Variants in PAX5 observed in about 807,000 individuals in gnomAD.
PAX5 encodes paired box protein Pax-5.
A neutral mutation model predicts 43.7 loss-of-function variants in PAX5; 9 were observed. The observed-to-expected ratio is 0.21, with a 90% confidence interval of 0.12 to 0.36. PAX5 has a LOEUF of 0.36. PAX5 is among the 10% of genes least tolerant of loss of function. The probability of loss-of-function intolerance (pLI) is 1.00; values close to 1 mark genes in which losing one functional copy is unlikely to be tolerated. For synonymous variants in PAX5, 228 were observed against 214.3 expected (o/e 1.06, Z -0.56); for missense variants, 383 against 532.7 (o/e 0.72, Z 2.77).
chr9:36,985,611 T>A (rs529827272), intron 5 of PAX5, among the ~76,000 whole-genome samples: 16 of 152,180 alleles, frequency 1.1e-4, no homozygotes, highest in African/African-American at 3.9e-4. Flanking sequence ...GAGCCAGCCA[T>A]CTCCATGAGG....
At chr9:36,895,740 T>C (rs1827805909) in intron 7 of PAX5, among the ~76,000 whole-genome samples, 1 of 152,118 alleles carries the variant, frequency 6.6e-6, no homozygotes, top group Non-Finnish European at 1.5e-5. Flanking sequence ...TGGCAGAAAA[T>C]GTGACAGGTT....
intron 5 of PAX5, among the ~76,000 whole-genome samples, chr9:36,997,789 C>G (rs530606444): frequency 6.6e-6 from 1 of 152,328 alleles, no homozygotes; most frequent in Admixed American, 6.5e-5. Context: ...GGGGCTGTGC[C>G]GAGAGGCTGC....
At chr9:36,950,805 A>G (rs1832939786) in intron 6 of PAX5, among the ~76,000 whole-genome samples, 1 of 144,954 alleles carries the variant, frequency 6.9e-6, no homozygotes, top group Admixed American at 7.3e-5. Flanking sequence ...CAATGCTGCA[A>G]TCTTGGCTCA....
At chr9:36,953,436 C>T (rs1833176083) in intron 6 of PAX5, among the ~76,000 whole-genome samples, 1 of 152,148 alleles carries the variant, frequency 6.6e-6, no homozygotes, top group Non-Finnish European at 1.5e-5. Context: ...CTCTCTTCTC[C>T]TTCCGGCAAC....
chr9:36,937,021 T>G (rs776614567), intron 6 of PAX5, among the ~76,000 whole-genome samples: 1 of 152,100 alleles, frequency 6.6e-6, no homozygotes, highest in East Asian at 1.9e-4. Context: ...AAACAAAAAC[T>G]GTGCAAGGCA....
chr9:37,006,671 G>A, intron 3 of PAX5, 134 bp from the exon 4 acceptor site: 1 of 713,920 alleles, frequency 1.4e-6, no homozygotes, highest in South Asian at 1.7e-5. Context: ...AGGGGCAGAG[G>A]TGGAGGGAGA....
intron 6 of PAX5, among the ~76,000 whole-genome samples, chr9:36,955,850 A>G (rs1489770348): frequency 6.6e-6 from 1 of 151,548 alleles, no homozygotes; most frequent in African/African-American, 2.4e-5. Flanking sequence ...TATTTGATCC[A>G]ATTGTTTGCA....
At chr9:37,002,618 C>A in intron 5 of PAX5, 30 bp downstream of exon 5, 1 of 1,595,954 alleles carries the variant, frequency 6.3e-7, no homozygotes, top group Non-Finnish European at 8.6e-7. Context: ...TGGAGCGCAT[C>A]CCCGACGGGG....
intron 5 of PAX5, among the ~76,000 whole-genome samples, chr9:36,991,823 C>G (rs2132331321): frequency 6.9e-6 from 1 of 145,024 alleles, no homozygotes; most frequent in South Asian, 2.3e-4. Flanking sequence ...TGTTCAGTCC[C>G]TCAAGAGGCT....
At chr9:36,861,334 T>C (rs4878662) in intron 8 of PAX5, 129,425 of 150,778 alleles carry the variant, frequency 0.86, 55,572 homozygotes, top group Middle Eastern at 0.89. Flanking sequence ...AGGTACCAGG[T>C]CCTGAGGATA....
At chr9:37,022,210 G>T (rs1420524483) in intron 1 of PAX5, among the ~76,000 whole-genome samples, 1 of 152,210 alleles carries the variant, frequency 6.6e-6, no homozygotes, top group Non-Finnish European at 1.5e-5. Context: ...GTACTTAGTT[G>T]CAGTTCTAAG....
chr9:37,033,588 G>A (rs900089021), intron 1 of PAX5, among the ~76,000 whole-genome samples: 7 of 109,154 alleles, frequency 6.4e-5, no homozygotes, highest in African/African-American at 1.7e-4. Flanking sequence ...AATACCCCAC[G>A]AGTATAAAGA....
At chr9:36,971,436 A>G in intron 5 of PAX5, among the ~76,000 whole-genome samples, 1 of 152,190 alleles carries the variant, frequency 6.6e-6, no homozygotes, top group East Asian at 1.9e-4. Flanking sequence ...AGCATTTCTC[A>G]TCTGCACCAT....
chr9:36,843,236 G>A (rs1038598024), intron 9 of PAX5, among the ~76,000 whole-genome samples: 6 of 152,130 alleles, frequency 3.9e-5, no homozygotes, highest in East Asian at 1.9e-4. Flanking sequence ...ATGCCCTGGC[G>A]CCCTCCCCAG....
chr9:36,976,495 T>C (rs1002767072), intron 5 of PAX5, among the ~76,000 whole-genome samples: 4 of 152,158 alleles, frequency 2.6e-5, no homozygotes, highest in Non-Finnish European at 2.9e-5. Flanking sequence ...ACATCTACTA[T>C]GAGCCAGGCC....
At chr9:36,939,080 G>A (rs34903350) in intron 6 of PAX5, among the ~76,000 whole-genome samples, 35,034 of 152,096 alleles carry the variant, frequency 0.23, 4,867 homozygotes, top group Non-Finnish European at 0.33. Context: ...GACAAGCAGC[G>A]GCCCCTTCCT....
intron 1 of PAX5, among the ~76,000 whole-genome samples, chr9:37,025,352 GCCGGGTCT>G (rs1840236323): frequency 6.6e-6 from 1 of 152,112 alleles, no homozygotes; most frequent in Admixed American, 6.5e-5. Flanking sequence ...CTTCACTCCA[GCCGGGTCT>G]CTGCTGCCTT....
rs150080456 is a variant in PAX5 at position 36,955,361 on chromosome 9, G to A, written c.780+11188C>T. 4.7e-3 allele frequency among the ~76,000 whole-genome samples: 709 copies of A among 152,212 alleles called. 7 individuals carry two copies. Among genetic ancestry groups the A allele is most frequent in the African/African-American group, 0.016 (659 of 41,520 alleles). The stretch of plus-strand genomic sequence containing the variant: ...TGAAAGTTTTTTTATATGCATCTGC[G>A]AGGCATCTCAGTGATTTCACTAATA... On this transcript the variant is annotated intron_variant, in intron 6 of 9. Transcript: ENST00000358127.
chr9:36,868,891 G>C (rs983532713), intron 8 of PAX5, among the ~76,000 whole-genome samples: 2 of 152,128 alleles, frequency 1.3e-5, no homozygotes, highest in Non-Finnish European at 2.9e-5. Flanking sequence ...GGCAACTGGG[G>C]CTAACAGCTG....
Sources: allele counts gnomAD v4.1 joint callset (sites outside exome capture counted in the v4.1 genomes callset), GRCh38; gene constraint gnomAD v4.1.1; transcripts MANE v1.5; gene names NCBI Gene and HGNC (gene_info 2026-07-23, HGNC 2026-07-21).